The following OPCML variants were observed in gnomAD, a reference collection of about 807,000 sequenced individuals.
OPCML encodes the protein opioid-binding protein/cell adhesion molecule.
OPCML carries 13 observed loss-of-function variants against 37.8 expected under a neutral mutation model. That is an observed-to-expected ratio of 0.34 (90% CI 0.22 to 0.55). The LOEUF is 0.55. OPCML is among the 20% of genes least tolerant of loss of function. The pLI is 0.91. For missense variants in OPCML, 341 were observed against 435.6 expected (o/e 0.78, Z 1.93); for synonymous variants, 176 against 168.8 (o/e 1.04, Z -0.33).
chr11:132,639,621 C>A (rs756247045), intron 3 of OPCML, among the ~76,000 whole-genome samples: 3 of 152,190 alleles, frequency 2.0e-5, no homozygotes, highest in Non-Finnish European at 2.9e-5. Flanking sequence ...TGCAGGCCGA[C>A]TAAATGTAAA....
At chr11:133,326,638 G>A (rs142811062) in intron 1 of OPCML, among the ~76,000 whole-genome samples, 1 of 136,916 alleles carries the variant, frequency 7.3e-6, no homozygotes, top group Non-Finnish European at 1.6e-5. Context: ...GGTGTATGTG[G>A]GTGTTGGGGA....
At chr11:133,246,398 T>C (rs1940927625) in intron 1 of OPCML, among the ~76,000 whole-genome samples, 2 of 152,342 alleles carry the variant, frequency 1.3e-5, no homozygotes. Flanking sequence ...GGAGAGCATG[T>C]AACACATGTT....
intron 4 of OPCML, among the ~76,000 whole-genome samples, chr11:132,467,306 C>G (rs1053230819): frequency 6.6e-6 from 1 of 152,220 alleles, no homozygotes; most frequent in African/African-American, 2.4e-5. Context: ...TTCCCGTCAC[C>G]TGAGAGGTGC....
At chr11:133,482,813 G>T (rs796163271) in intron 1 of OPCML, among the ~76,000 whole-genome samples, 3 of 152,108 alleles carry the variant, frequency 2.0e-5, no homozygotes, top group African/African-American at 7.2e-5. Context: ...GGGTAAAACT[G>T]AGAATTCAAC....
intron 1 of OPCML, among the ~76,000 whole-genome samples, chr11:133,033,469 A>T (rs910060493): frequency 6.6e-6 from 1 of 152,240 alleles, no homozygotes; most frequent in African/African-American, 2.4e-5. Flanking sequence ...AATATTATAC[A>T]TATCACTCCT....
chr11:132,939,582 C>T (rs1040928592), intron 2 of OPCML, among the ~76,000 whole-genome samples: 2 of 152,168 alleles, frequency 1.3e-5, no homozygotes, highest in Non-Finnish European at 2.9e-5. Context: ...TCCATCTCAC[C>T]GCAGCCCCTC....
intron 1 of OPCML, among the ~76,000 whole-genome samples, chr11:132,947,052 C>A (rs1283163646): frequency 6.6e-6 from 1 of 152,120 alleles, no homozygotes; most frequent in Non-Finnish European, 1.5e-5. Flanking sequence ...CCTCAAGGCT[C>A]GCAGCTCTGC....
At chr11:132,834,595 T>A (rs896066273) in intron 2 of OPCML, among the ~76,000 whole-genome samples, 1 of 152,230 alleles carries the variant, frequency 6.6e-6, no homozygotes, top group African/African-American at 2.4e-5. Flanking sequence ...CCTCTGTCTT[T>A]ACAGACTGTC....
intron 1 of OPCML, among the ~76,000 whole-genome samples, chr11:132,944,233 G>A (rs893402088): frequency 6.6e-6 from 1 of 152,182 alleles, no homozygotes; most frequent in Non-Finnish European, 1.5e-5. Context: ...GGGAGAGGGA[G>A]TTCTGGGGAA....
At chr11:133,158,758 G>T (rs191966603) in intron 1 of OPCML, among the ~76,000 whole-genome samples, 2 of 103,872 alleles carry the variant, frequency 1.9e-5, no homozygotes, top group African/African-American at 8.3e-5. Context: ...AAAATAAAAT[G>T]AAAATTAAAA....
chr11:133,102,784 C>T (rs1470453390), intron 1 of OPCML, among the ~76,000 whole-genome samples: 1 of 151,960 alleles, frequency 6.6e-6, no homozygotes, highest in Non-Finnish European at 1.5e-5. Flanking sequence ...CAAACAACAA[C>T]AACAACAAAA....
At chr11:133,325,229 G>A (rs906331163) in intron 1 of OPCML, among the ~76,000 whole-genome samples, 4 of 152,200 alleles carry the variant, frequency 2.6e-5, no homozygotes, top group African/African-American at 7.2e-5. Flanking sequence ...TTCTGATAGC[G>A]AATGCGAGAA....
intron 2 of OPCML, among the ~76,000 whole-genome samples, chr11:132,715,163 G>A (rs908051237): frequency 1.3e-5 from 2 of 152,164 alleles, no homozygotes; most frequent in Admixed American, 6.5e-5. Flanking sequence ...AGTATCATTT[G>A]TCACAAAATA....
chr11:133,456,989 A>T (rs898530821), intron 1 of OPCML, among the ~76,000 whole-genome samples: 1 of 152,242 alleles, frequency 6.6e-6, no homozygotes, highest in South Asian at 2.1e-4. Flanking sequence ...AAATGTGAAG[A>T]TAAATACGGA....
At chr11:132,953,513 T>C (rs2136702358) in intron 1 of OPCML, among the ~76,000 whole-genome samples, 1 of 152,350 alleles carries the variant, frequency 6.6e-6, no homozygotes, top group South Asian at 2.1e-4. Context: ...GCCTCATTGC[T>C]TTATAGTCAC....
chr11:132,863,922 A>G (rs1942413730), intron 2 of OPCML, among the ~76,000 whole-genome samples: 1 of 148,026 alleles, frequency 6.8e-6, no homozygotes, highest in South Asian at 2.1e-4. Flanking sequence ...GATTTTTTTT[A>G]TTCTATTTAT....
In OPCML at chr11:133,492,569, G is replaced by A. The variant is rs2120456344; in HGVS notation, c.61+39695C>T. 2.0e-5 allele frequency among the ~76,000 whole-genome samples: 3 copies of A among 152,090 alleles called. 1 individual carries two copies. The highest frequency in any genetic ancestry group is 7.2e-5 in the African/African-American group (3 of 41,480). Reference sequence around the variant, plus strand: ...CATGGCCATATGAATGGAGAGATAAGTCATTAGAGACTAAAACACGTCCCA... The same window carrying A: ...CATGGCCATATGAATGGAGAGATAAATCATTAGAGACTAAAACACGTCCCA... On this transcript the variant is annotated intron_variant, in intron 1 of 7. Coordinates refer to ENST00000524381, the MANE Select transcript of OPCML (RefSeq NM_001012393.5).
intron 4 of OPCML, among the ~76,000 whole-genome samples, chr11:132,527,948 G>A (rs2096313053): frequency 6.6e-6 from 1 of 152,098 alleles, no homozygotes; most frequent in South Asian, 2.1e-4. Flanking sequence ...TACAAGTCAA[G>A]CAATGCCAGT....
intron 1 of OPCML, among the ~76,000 whole-genome samples, chr11:132,972,281 C>A (rs1946361399): frequency 6.6e-6 from 1 of 152,192 alleles, no homozygotes; most frequent in South Asian, 2.1e-4. Flanking sequence ...TTTGTCTACC[C>A]TCTTGATGAC....
Sources: allele counts gnomAD v4.1 joint callset (sites outside exome capture counted in the v4.1 genomes callset), GRCh38; gene constraint gnomAD v4.1.1; transcripts MANE v1.5; gene names NCBI Gene and HGNC (gene_info 2026-07-23, HGNC 2026-07-21).